Variants in XKR4 observed in about 807,000 individuals in gnomAD.
XKR4 encodes XK related 4, also known as XK-related protein 4.
XKR4 carries 12 observed loss-of-function variants against 53.9 expected under a neutral mutation model. The ratio of observed to expected loss-of-function variants is 0.22; its 90% CI spans 0.14 to 0.36. XKR4 has a LOEUF of 0.36. Ranked by LOEUF, XKR4 falls within the 10% of genes least tolerant of loss-of-function variation. The pLI is 1.00. For synonymous variants in XKR4, 354 were observed against 362.4 expected (o/e 0.98, Z 0.26); for missense variants, 799 against 859.5 (o/e 0.93, Z 0.88).
At chr8:55,214,324 G>A (rs1817773167) in intron 1 of XKR4, among the ~76,000 whole-genome samples, 1 of 152,136 alleles carries the variant, frequency 6.6e-6, no homozygotes, top group Non-Finnish European at 1.5e-5. Flanking sequence ...CCATTTCTAA[G>A]CTCATCCAAG....
chr8:55,233,747 C>T, intron 1 of XKR4, among the ~76,000 whole-genome samples: 1 of 152,226 alleles, frequency 6.6e-6, no homozygotes, highest in Non-Finnish European at 1.5e-5. Flanking sequence ...CCCACATTTG[C>T]TTTAGCCTTT....
At chr8:55,293,526 AT>A (rs1487614570) in intron 1 of XKR4, among the ~76,000 whole-genome samples, 2 of 152,144 alleles carry the variant, frequency 1.3e-5, no homozygotes, top group African/African-American at 4.8e-5. Flanking sequence ...CATCACATAC[AT>A]TTTATCATTT....
chr8:55,374,522 G>T lies in XKR4; in HGVS notation c.1006+16645G>T, dbSNP rs7005036. Among the ~76,000 whole-genome samples, 531 of 152,304 alleles carry T rather than the reference G, an allele frequency of 3.5e-3. 1 individual carries two copies. Among genetic ancestry groups the T allele is most frequent in the African/African-American group, 0.012 (509 of 41,562 alleles). On this transcript the variant is annotated intron_variant, in intron 2 of 2. Coordinates refer to ENST00000327381, the MANE Select transcript of XKR4 (RefSeq NM_052898.2). ...GAGAGCTCATTGGAGAAGGCCAAGC[G>T]CAGAACTGGTAAAGTGAACCACCAT...
At chr8:55,135,801 C>T (rs1816620056) in intron 1 of XKR4, 1 of 298,288 alleles carries the variant, frequency 3.4e-6, no homozygotes. Context: ...CACTTCCTCT[C>T]TCTGGTCTTT....
intron 1 of XKR4, among the ~76,000 whole-genome samples, chr8:55,329,384 C>CTT (rs529323804): frequency 1.4e-5 from 2 of 144,478 alleles, no homozygotes; most frequent in Non-Finnish European, 1.5e-5. Flanking sequence ...TTTTTTTGCA[C>CTT]TTTTTTTTTT....
intron 1 of XKR4, among the ~76,000 whole-genome samples, chr8:55,257,008 G>A (rs1378510375): frequency 6.6e-6 from 1 of 152,128 alleles, no homozygotes; most frequent in African/African-American, 2.4e-5. Flanking sequence ...CACCTCTTTT[G>A]TAAGGGTACT....
chr8:55,131,163 A>AAACAACAACTACAACAAC (rs1816549055), intron 1 of XKR4, among the ~76,000 whole-genome samples: 1 of 150,210 alleles, frequency 6.7e-6, no homozygotes, highest in African/African-American at 2.5e-5. Flanking sequence ...GCTGTCTCAA[A>AAACAACAACTACAACAAC]AACAACAACA....
intron 1 of XKR4, among the ~76,000 whole-genome samples, chr8:55,324,357 A>G (rs1005590689): frequency 6.6e-6 from 1 of 152,146 alleles, no homozygotes; most frequent in Non-Finnish European, 1.5e-5. Context: ...TGGCCTCCCA[A>G]AGTGCTGGGA....
intron 1 of XKR4, among the ~76,000 whole-genome samples, chr8:55,191,894 C>T (rs1240041834): frequency 5.3e-5 from 8 of 151,882 alleles, no homozygotes; most frequent in Non-Finnish European, 8.8e-5. Flanking sequence ...CTACTTTTCT[C>T]CCTCCTGGAA....
At chr8:55,177,518 A>C (rs1168964591) in intron 1 of XKR4, among the ~76,000 whole-genome samples, 1 of 152,152 alleles carries the variant, frequency 6.6e-6, no homozygotes, top group African/African-American at 2.4e-5. Flanking sequence ...CATAGGGCTG[A>C]CCCATGCACA....
At chr8:55,399,118 A>G (rs1460119489) in intron 2 of XKR4, among the ~76,000 whole-genome samples, 1 of 152,176 alleles carries the variant, frequency 6.6e-6, no homozygotes, top group African/African-American at 2.4e-5. Context: ...ACAAAGAAAA[A>G]GATTTATTTC....
intron 1 of XKR4, among the ~76,000 whole-genome samples, chr8:55,318,045 G>A (rs1487969409): frequency 6.6e-6 from 1 of 152,194 alleles, no homozygotes; most frequent in African/African-American, 2.4e-5. Context: ...CAATGTTCAA[G>A]GTTGGACTGA....
chr8:55,352,480 G>T (rs1803737835), intron 1 of XKR4, among the ~76,000 whole-genome samples: 1 of 152,364 alleles, frequency 6.6e-6, no homozygotes, highest in South Asian at 2.1e-4. Context: ...CTTCTAGGCA[G>T]TGGGGAGTCA....
At chr8:55,253,099 G>A (rs1410266542) in intron 1 of XKR4, among the ~76,000 whole-genome samples, 1 of 152,158 alleles carries the variant, frequency 6.6e-6, no homozygotes, top group East Asian at 1.9e-4. Flanking sequence ...GATTTTACCT[G>A]CTTTGTTGAA....
chr8:55,416,030 T>C (rs1196528852), intron 2 of XKR4, among the ~76,000 whole-genome samples: 10 of 152,114 alleles, frequency 6.6e-5, no homozygotes, highest in Non-Finnish European at 1.2e-4. Context: ...TAGGAGTAAG[T>C]ATAGCACTAA....
At chr8:55,127,689 G>A (rs909837709) in intron 1 of XKR4, among the ~76,000 whole-genome samples, 13 of 97,934 alleles carry the variant, frequency 1.3e-4, no homozygotes, top group Non-Finnish European at 2.4e-4. Flanking sequence ...CCATGAACTC[G>A]TCATTTAGCT....
At chr8:55,226,706 T>C (rs1817957246) in intron 1 of XKR4, among the ~76,000 whole-genome samples, 1 of 152,148 alleles carries the variant, frequency 6.6e-6, no homozygotes, top group African/African-American at 2.4e-5. Flanking sequence ...ACTAAACTAG[T>C]TCATGCCTTC....
chr8:55,396,175 C>T (rs1262698913), intron 2 of XKR4, among the ~76,000 whole-genome samples: 1 of 152,148 alleles, frequency 6.6e-6, no homozygotes, highest in Non-Finnish European at 1.5e-5. Flanking sequence ...AATGTTTTAC[C>T]ACTGACCCTG....
intron 1 of XKR4, among the ~76,000 whole-genome samples, chr8:55,119,777 T>C (rs1816366231): frequency 6.6e-6 from 1 of 152,196 alleles, no homozygotes; most frequent in Non-Finnish European, 1.5e-5. Context: ...TCTTCTGAGC[T>C]TTAAAAGGCT....
Sources: allele counts gnomAD v4.1 joint callset (sites outside exome capture counted in the v4.1 genomes callset), GRCh38; gene constraint gnomAD v4.1.1; transcripts MANE v1.5; gene names NCBI Gene and HGNC (gene_info 2026-07-23, HGNC 2026-07-21).